Variants in RCAN1 observed in about 807,000 individuals in gnomAD.
RCAN1 encodes regulator of calcineurin 1, also known as calcipressin-1.
In RCAN1, 11 loss-of-function variants were observed where a neutral mutation model predicts 22.9. That is an observed-to-expected ratio of 0.48 (90% CI 0.30 to 0.79). RCAN1 has a LOEUF of 0.79. RCAN1 is among the 30% of genes least tolerant of loss of function. The pLI is 0.06. For synonymous variants in RCAN1, 136 were observed against 142.3 expected, an observed-to-expected ratio of 0.96 and a Z score of 0.32; for missense variants, 291 against 337.8, an observed-to-expected ratio of 0.86 and a Z score of 1.09.
At chr21:34,594,826 A>G (rs986981154) in intron 1 of RCAN1, among the ~76,000 whole-genome samples, 1 of 152,300 alleles carries the variant, frequency 6.6e-6, no homozygotes, top group East Asian at 1.9e-4. Context: ...TCACTGTAAA[A>G]TGGAATCGTA....
At chr21:34,532,988 TCTTGCTCTGTCGCC>T (rs1385222100) in intron 1 of RCAN1, among the ~76,000 whole-genome samples, 1 of 147,700 alleles carries the variant, frequency 6.8e-6, no homozygotes, top group African/African-American at 2.5e-5. Flanking sequence ...TGAGACGGAG[TCTTGCTCTGTCGCC>T]CAGGCTGGAG....
At chr21:34,588,250 A>T (rs1018507046) in intron 1 of RCAN1, among the ~76,000 whole-genome samples, 1 of 152,070 alleles carries the variant, frequency 6.6e-6, no homozygotes, top group Admixed American at 6.6e-5. Context: ...GACAAGCAAA[A>T]CTCCTCTATG....
rs1279808592 is a variant in RCAN1 at position 34,519,000 on chromosome 21, T to C, written c.587-744A>G. On this transcript the variant is annotated intron_variant, in intron 3 of 3. Coordinates refer to ENST00000313806, the MANE Select transcript of RCAN1 (RefSeq NM_004414.7). This position sits in a 1 kb window ranked among gnomAD's most constrained non-coding sequence, Gnocchi z 4.2. ...TGCCGCTCTGGCCACGGGAAGAGTG[T>C]GCATCTCTGGTGCTCATGAAGGCAG... Among the ~76,000 whole-genome samples the C allele has an allele frequency of 6.6e-6, 1 of 152,198 alleles. No individual in the cohort carries two copies. Among genetic ancestry groups the C allele is most frequent in the Non-Finnish European group, 1.5e-5 (1 of 68,028 alleles).
intron 1 of RCAN1, chr21:34,525,699 A>G: frequency 4.8e-6 from 1 of 209,528 alleles, no homozygotes; most frequent in Middle Eastern, 1.6e-3. Context: ...TATTTGTTCT[A>G]ATAACTGATA....
chr21:34,525,361 A>G (rs1030013674), intron 1 of RCAN1: 1 of 1,479,630 alleles, frequency 6.8e-7, no homozygotes, highest in African/African-American at 1.4e-5. Context: ...CCCACGAGGG[A>G]TCCCGCAGAG....
chr21:34,592,063 C>A (rs1195443427), intron 1 of RCAN1, among the ~76,000 whole-genome samples: 1 of 152,178 alleles, frequency 6.6e-6, no homozygotes, highest in Non-Finnish European at 1.5e-5. Context: ...TTGCACCCTG[C>A]CAGCATTTCA....
chr21:34,532,657 T>C (rs924902858), intron 1 of RCAN1, among the ~76,000 whole-genome samples: 2 of 152,216 alleles, frequency 1.3e-5, no homozygotes, highest in African/African-American at 4.8e-5. Flanking sequence ...AACTAGTTCC[T>C]CTTTGACACA....
chr21:34,551,725 C>T (rs905691733), intron 1 of RCAN1, among the ~76,000 whole-genome samples: 4 of 152,148 alleles, frequency 2.6e-5, no homozygotes, highest in Admixed American at 6.5e-5. Flanking sequence ...GTCAAAATCC[C>T]TTCTTATCCC....
At position 34,549,700 on chromosome 21, in the gene RCAN1, G is replaced by A. The variant is rs559344338; in HGVS notation, c.253-25990C>T. ...GATGGAGGACAATGATGGGGACCAG[G>A]AGGAGGTCAGCAGCCTCAATGGCTG... On this transcript the variant is annotated intron_variant, in intron 1 of 3. Coordinates refer to ENST00000313806, the MANE Select transcript of RCAN1 (RefSeq NM_004414.7). Among the ~76,000 whole-genome samples the A allele has an allele frequency of 2.6e-5, 4 of 152,338 alleles. No individual in the cohort carries two copies. The South Asian group carries it at 8.3e-4, about 32-fold the overall frequency.
At chr21:34,609,400 G>T (rs925963546) in intron 1 of RCAN1, among the ~76,000 whole-genome samples, 1 of 152,030 alleles carries the variant, frequency 6.6e-6, no homozygotes. Flanking sequence ...GTACACCCAG[G>T]GTCTACCCAT....
chr21:34,578,952 C>T (rs1009755624), intron 1 of RCAN1, among the ~76,000 whole-genome samples: 1 of 152,086 alleles, frequency 6.6e-6, no homozygotes, highest in African/African-American at 2.4e-5. Context: ...GCCCCTGGTT[C>T]CTCACCTGAA....
chr21:34,551,354 A>G (rs1986359605), intron 1 of RCAN1, among the ~76,000 whole-genome samples: 1 of 152,238 alleles, frequency 6.6e-6, no homozygotes, highest in Non-Finnish European at 1.5e-5. Flanking sequence ...AAAAATAATG[A>G]CAAACCCTGA....
At chr21:34,577,220 G>A (rs891440776) in intron 1 of RCAN1, among the ~76,000 whole-genome samples, 2 of 152,200 alleles carry the variant, frequency 1.3e-5, no homozygotes, top group Non-Finnish European at 2.9e-5. Context: ...TAAGGATTTT[G>A]AACATTACCT....
intron 1 of RCAN1, among the ~76,000 whole-genome samples, chr21:34,603,975 A>C (rs1451821603): frequency 6.6e-6 from 1 of 152,240 alleles, no homozygotes; most frequent in Non-Finnish European, 1.5e-5. Context: ...AAAGTGGATG[A>C]GACATGTCAC....
intron 1 of RCAN1, among the ~76,000 whole-genome samples, chr21:34,581,880 G>A (rs970595206): frequency 2.0e-5 from 3 of 152,164 alleles, no homozygotes; most frequent in South Asian, 2.1e-4. Context: ...CATTTAGGTC[G>A]CAGAATTGGG....
rs1220684444 is a variant in RCAN1 at position 34,541,959 on chromosome 21, A to AT, written c.253-18250dup. Among the ~76,000 whole-genome samples the AT allele has an allele frequency of 1.3e-5, 2 of 152,150 alleles. 1 individual carries two copies. The highest frequency in any genetic ancestry group is 4.1e-4 in the South Asian group (2 of 4,830). ...AAAAAAAATAAAATAAATAAAAAAA[A>AT]TTTTTTTAATGCTATTCATGCAACA... is the stretch of plus-strand genomic sequence containing the variant. On this transcript the variant is annotated intron_variant, in intron 1 of 3. Coordinates refer to ENST00000313806, the MANE Select transcript of RCAN1 (RefSeq NM_004414.7).
intron 1 of RCAN1, among the ~76,000 whole-genome samples, chr21:34,597,164 G>T (rs1988188623): frequency 6.6e-6 from 1 of 152,144 alleles, no homozygotes. Flanking sequence ...GTGCAGCCCA[G>T]TTCTGCAGCT....
intron 3 of RCAN1, chr21:34,521,053 A>C: frequency 8.5e-7 from 1 of 1,182,134 alleles, no homozygotes; most frequent in South Asian, 3.5e-5. Flanking sequence ...CTTTTCCTTT[A>C]AGAAGGCCAG....
intron 1 of RCAN1, among the ~76,000 whole-genome samples, chr21:34,585,064 AT>A (rs1438654913): frequency 6.6e-6 from 1 of 152,324 alleles, no homozygotes; most frequent in South Asian, 2.1e-4. Flanking sequence ...TTAAAACAAA[AT>A]TTTTTTAGGA....
Sources: gnomAD v4.1 joint callset for allele counts (sites outside exome capture counted in the v4.1 genomes callset) on GRCh38, gnomAD v4.1.1 for gene constraint, Gnocchi (gnomAD v3.1) non-coding constraint, MANE v1.5 for transcripts, NCBI Gene and HGNC (gene_info 2026-07-23, HGNC 2026-07-21) for gene names.